Variants in ROR1 observed in about 807,000 individuals in gnomAD.
The protein encoded by ROR1 is inactive tyrosine-protein kinase transmembrane receptor ROR1.
In ROR1, 19 loss-of-function variants were observed where a neutral mutation model predicts 78.8. The ratio of observed to expected loss-of-function variants is 0.24; its 90% confidence interval spans 0.17 to 0.35. The LOEUF (loss-of-function observed/expected upper bound fraction) is 0.35. Among genes scored for constraint, ROR1 ranks in the 10% least tolerant of loss-of-function variants. The pLI is 1.00. For missense variants in ROR1, 917 were observed against 1,177.8 expected, an observed-to-expected ratio of 0.78 and a Z score of 3.24; for synonymous variants, 386 against 433.6, an observed-to-expected ratio of 0.89 and a Z score of 1.36.
intron 8 of ROR1, among the ~76,000 whole-genome samples, chr1:64,170,435 C>T (rs1030498107): frequency 3.9e-5 from 6 of 152,168 alleles, no homozygotes; most frequent in African/African-American, 1.4e-4. Flanking sequence ...GCACTAAGTA[C>T]CTAGACTGCA....
In ROR1 at chr1:64,082,324, T is replaced by A. The variant is rs547358802; in HGVS notation, c.482+31608T>A. ...GATAAAGCTGATAGGCATTTTAAAA[T>A]AAATTAAGGGTTGTAAATTACATGT... On this transcript the variant is annotated intron_variant, in intron 4 of 8. Coordinates refer to ENST00000371079, the MANE Select transcript of ROR1 (RefSeq NM_005012.4). Among the ~76,000 whole-genome samples the A allele has an allele frequency of 1.6e-4, 25 of 152,206 alleles. No homozygotes were observed. The East Asian group carries it at 4.8e-3, about 29-fold the overall frequency.
chr1:63,885,762 G>T (rs1353123816), intron 1 of ROR1, among the ~76,000 whole-genome samples: 1 of 152,148 alleles, frequency 6.6e-6, no homozygotes, highest in Non-Finnish European at 1.5e-5. Flanking sequence ...CAACCGAGCA[G>T]ATTGATTCCT....
intron 1 of ROR1, among the ~76,000 whole-genome samples, chr1:63,976,084 C>G (rs1472009432): frequency 6.6e-6 from 1 of 152,092 alleles, no homozygotes; most frequent in African/African-American, 2.4e-5. Flanking sequence ...TTTAGAGAGC[C>G]AAGACATGCA....
In ROR1 at chr1:64,177,706, T is replaced by C; in HGVS notation, c.1665T>C (p.Ile555=). The C allele has an allele frequency of 6.2e-7, 1 of 1,614,204 alleles. No individual in the cohort carries two copies. Among genetic ancestry groups the C allele is most frequent in the Non-Finnish European group, 8.5e-7 (1 of 1,180,036 alleles). ...EQPVCMLFEY[I]NQGDLHEFLI... ...CTGTGTGCATGCTTTTTGAGTATAT[T>C]AATCAGGGGGATCTCCATGAGTTCC... Residue 555 remains isoleucine, a synonymous_variant, in exon 9 of 9, where the codon ATT becomes ATC. Coordinates refer to ENST00000371079, the MANE Select transcript of ROR1 (RefSeq NM_005012.4).
chr1:63,917,680 TC>T, intron 1 of ROR1, among the ~76,000 whole-genome samples: 1 of 152,156 alleles, frequency 6.6e-6, no homozygotes, highest in East Asian at 1.9e-4. Flanking sequence ...AGAGTGACTG[TC>T]CAGGAAAATG....
chr1:64,111,386 A>C (rs954772190), intron 4 of ROR1: 2 of 152,194 alleles, frequency 1.3e-5, no homozygotes, highest in African/African-American at 2.4e-5. Context: ...TTGGGTTTAC[A>C]CAAGGAAAAT....
intron 1 of ROR1, among the ~76,000 whole-genome samples, chr1:63,865,148 G>T (rs1299098234): frequency 6.6e-6 from 1 of 152,108 alleles, no homozygotes; most frequent in South Asian, 2.1e-4. Flanking sequence ...GCATCTGCAA[G>T]GGAATTTTTT....
chr1:63,818,040 A>C (rs603218), intron 1 of ROR1, among the ~76,000 whole-genome samples: 29,867 of 152,098 alleles, frequency 0.2, 7,972 homozygotes, highest in African/African-American at 0.61. Context: ...CTTTACAGTA[A>C]CCCTGTGAGA....
At chr1:63,925,137 A>G (rs925718190) in intron 1 of ROR1, among the ~76,000 whole-genome samples, 26 of 149,612 alleles carry the variant, frequency 1.7e-4, no homozygotes, top group Non-Finnish European at 3.4e-4. Context: ...AGCATTAGGT[A>G]TATCTCCCAA....
chr1:64,109,622 G>A (rs943721874), intron 4 of ROR1, among the ~76,000 whole-genome samples: 5 of 152,080 alleles, frequency 3.3e-5, no homozygotes, highest in Non-Finnish European at 5.9e-5. Context: ...CAACCTCCCA[G>A]GTTCAACCAA....
intron 4 of ROR1, among the ~76,000 whole-genome samples, chr1:64,067,815 C>T (rs1646970518): frequency 6.6e-6 from 1 of 150,624 alleles, no homozygotes; most frequent in South Asian, 2.1e-4. Context: ...CGGGTTCAAA[C>T]CATTCTCCTG....
intron 1 of ROR1, among the ~76,000 whole-genome samples, chr1:63,827,741 G>C (rs74079324): frequency 0.033 from 5,004 of 152,210 alleles, 193 homozygotes; most frequent in South Asian, 0.095. Flanking sequence ...GGGAGAGCTG[G>C]TGCCCTACTC....
At chr1:64,125,891 C>G (rs1285774378) in intron 4 of ROR1, among the ~76,000 whole-genome samples, 1 of 152,166 alleles carries the variant, frequency 6.6e-6, no homozygotes, top group African/African-American at 2.4e-5. Flanking sequence ...ATGTACTAGA[C>G]TCTGCTGGGA....
intron 2 of ROR1, among the ~76,000 whole-genome samples, chr1:64,037,931 A>C (rs1646715988): frequency 6.6e-6 from 1 of 151,918 alleles, no homozygotes. Flanking sequence ...CTTGCTCTCC[A>C]TCAAGGCCCA....
intron 4 of ROR1, among the ~76,000 whole-genome samples, chr1:64,122,098 T>C (rs954175374): frequency 6.6e-6 from 1 of 152,180 alleles, no homozygotes; most frequent in Admixed American, 6.5e-5. Context: ...AAGCAGGAAT[T>C]TTCTATCTGA....
chr1:63,896,297 G>T (rs1422567445), intron 1 of ROR1, among the ~76,000 whole-genome samples: 1 of 152,074 alleles, frequency 6.6e-6, no homozygotes, highest in African/African-American at 2.4e-5. Flanking sequence ...TGGCTTTGGT[G>T]CCTGGATTGT....
intron 4 of ROR1, among the ~76,000 whole-genome samples, chr1:64,079,465 T>C (rs1647081528): frequency 7.4e-6 from 1 of 134,526 alleles, no homozygotes; most frequent in Admixed American, 8.8e-5. Context: ...AGAATCTTGA[T>C]TGGGATTTTT....
At chr1:63,948,833 C>T (rs1645911303) in intron 1 of ROR1, among the ~76,000 whole-genome samples, 1 of 152,148 alleles carries the variant, frequency 6.6e-6, no homozygotes, top group Non-Finnish European at 1.5e-5. Context: ...GAAGCGAGGC[C>T]TTACTGGACT....
At chr1:63,896,219 A>G (rs1645438478) in intron 1 of ROR1, among the ~76,000 whole-genome samples, 1 of 152,232 alleles carries the variant, frequency 6.6e-6, no homozygotes, top group South Asian at 2.1e-4. Flanking sequence ...GTTAAAAAAT[A>G]ATATAAATAT....
Sources: gnomAD v4.1 joint callset for allele counts (sites outside exome capture counted in the v4.1 genomes callset) on GRCh38, gnomAD v4.1.1 for gene constraint, MANE v1.5 for transcripts, NCBI Gene and HGNC (gene_info 2026-07-23, HGNC 2026-07-21) for gene names.